The following VPS13B variants were observed in gnomAD, a reference collection of about 807,000 sequenced individuals.
The protein encoded by VPS13B is vacuolar protein sorting 13 homolog B.
VPS13B carries 285 observed loss-of-function variants against 426.4 expected under a neutral mutation model. The observed-to-expected ratio is 0.67, with a 90% CI of 0.61 to 0.74. The LOEUF (loss-of-function observed/expected upper bound fraction) is 0.74. Ranked by LOEUF, VPS13B falls within the 30% of genes least tolerant of loss-of-function variation. The probability of loss-of-function intolerance (pLI) is 0.00; values close to 1 mark genes in which losing one functional copy is unlikely to be tolerated. For missense variants in VPS13B, 4,537 were observed against 4,782.6 expected, an observed-to-expected ratio of 0.95 and a Z score of 1.51; for synonymous variants, 1,676 against 1,676.4, an observed-to-expected ratio of 1.00 and a Z score of 0.01.
intron 28 of VPS13B, chr8:99,507,713 A>G (rs1429046265): frequency 1.1e-5 from 18 of 1,611,998 alleles, no homozygotes; most frequent in Non-Finnish European, 1.5e-5. Context: ...TTTTTTGCTT[A>G]TGGCTTTTAT....
intron 23 of VPS13B, among the ~76,000 whole-genome samples, chr8:99,447,094 G>A (rs1281098022): frequency 1.3e-5 from 2 of 151,986 alleles, no homozygotes; most frequent in African/African-American, 4.8e-5. Flanking sequence ...AATATTCCTT[G>A]TTTATACTTT....
In VPS13B at chr8:99,853,512, G is replaced by T. The variant is rs745567349; in HGVS notation, c.10123G>T (p.Asp3375Tyr). The T allele has an allele frequency of 2.5e-6, 4 of 1,614,198 alleles. No homozygotes were observed. Among genetic ancestry groups the T allele is most frequent in the Non-Finnish European group, 3.4e-6 (4 of 1,180,030 alleles). ...FITQLSLAVF[D>Y]DLTHHKASAE... The stretch of plus-strand genomic sequence containing the variant: ...CACTCAGTTAAGCCTGGCAGTGTTT[G>T]ATGACCTCACCCACCACAAAGCATC... Residue 3375 changes from aspartate to tyrosine, a missense_variant, in exon 56 of 62, where the codon GAT becomes TAT. Around this residue, in one of 2 missense-constraint regions of VPS13B, gnomAD observed 4,311 missense variants for 4,474.3 expected, o/e 0.96. Transcript: ENST00000357162.
intron 39 of VPS13B, among the ~76,000 whole-genome samples, chr8:99,750,836 GT>G (rs1810356938): frequency 1.3e-5 from 2 of 152,138 alleles, no homozygotes; most frequent in African/African-American, 4.8e-5. Flanking sequence ...GGGGAGGGCT[GT>G]TTGTTTTTGT....
intron 3 of VPS13B, among the ~76,000 whole-genome samples, chr8:99,072,922 T>A (rs1844921540): frequency 6.6e-6 from 1 of 152,240 alleles, no homozygotes; most frequent in South Asian, 2.1e-4. Flanking sequence ...CATGGATTTA[T>A]TTCTGGGTTC....
In VPS13B at chr8:99,642,386, T is replaced by C. The variant is rs765209957; in HGVS notation, c.5796T>C (p.Phe1932=). ...GDLQLEPFLY[F]IVSQPSLLLS... ...TACAGCTAGAGCCTTTTCTGTACTT[T>C]ATTGTGTCCCAGCCTTCCTTGCTTC... Residue 1932 remains phenylalanine (F), a synonymous_variant, in exon 34 of 62, where the codon TTT becomes TTC. Transcript: ENST00000357162. 73 of 1,614,006 alleles carry C rather than the reference T, an allele frequency of 4.5e-5. No individual in the cohort carries two copies. In the South Asian group the frequency reaches 6.3e-4, roughly 14 times the overall value.
intron 2 of VPS13B, among the ~76,000 whole-genome samples, 171 bp downstream of exon 2, chr8:99,014,106 C>CTT (rs1841466075): frequency 8.9e-6 from 1 of 112,096 alleles, no homozygotes; most frequent in African/African-American, 3.2e-5. Flanking sequence ...CTTTTTCTTT[C>CTT]TTTCTTTTTT....
At position 99,720,414 on chromosome 8, in the gene VPS13B, G is replaced by T. The variant is rs146960401; in HGVS notation, c.6727G>T (p.Glu2243Ter). 72 of 1,613,838 alleles carry T rather than the reference G, an allele frequency of 4.5e-5. No homozygotes were observed. Among genetic ancestry groups the T allele is most frequent in the Non-Finnish European group, 5.3e-5 (62 of 1,179,918 alleles). ...TGAATTACTCAATGGATACCTTAAT[G>T]AGGAGGGAAATTTTGAAGTACAAGT... ...LHELLNGYLNEEGNFEVQVSE... is the reference protein window; with the variant it reads ...LHELLNGYLN The change falls in exon 38 of 62, where the codon GAG becomes TAG. Residue 2243 changes from glutamate (E) to a stop codon, truncating the protein, a stop_gained. Coordinates refer to ENST00000357162, the MANE Select transcript of VPS13B (RefSeq NM_152564.5). LOFTEE classifies it high-confidence loss of function.
chr8:99,196,794 T>C (rs1813961923), intron 17 of VPS13B, among the ~76,000 whole-genome samples: 1 of 152,196 alleles, frequency 6.6e-6, no homozygotes, highest in African/African-American at 2.4e-5. Flanking sequence ...TTAACTTCTT[T>C]TTTTTCTATT....
At chr8:99,215,823 C>T (rs963381008) in intron 17 of VPS13B, among the ~76,000 whole-genome samples, 12 of 152,106 alleles carry the variant, frequency 7.9e-5, no homozygotes, top group African/African-American at 2.9e-4. Flanking sequence ...ACAGAAGGCT[C>T]CACATAGCAA....
At chr8:99,343,003 T>A (rs1215780221) in intron 19 of VPS13B, among the ~76,000 whole-genome samples, 1 of 152,196 alleles carries the variant, frequency 6.6e-6, no homozygotes, top group Non-Finnish European at 1.5e-5. Context: ...TTAGTGATGC[T>A]GAGCATTTTT....
intron 19 of VPS13B, among the ~76,000 whole-genome samples, chr8:99,352,291 C>A (rs559787078): frequency 3.2e-4 from 48 of 152,282 alleles, no homozygotes; most frequent in Middle Eastern, 6.8e-3. Flanking sequence ...ACTCCTATTA[C>A]TGGTTGCAGG....
At chr8:99,233,139 A>G in intron 17 of VPS13B, 1 of 1,371,114 alleles carries the variant, frequency 7.3e-7, no homozygotes, top group Non-Finnish European at 1.0e-6. Flanking sequence ...TGCGCTGTGC[A>G]GTCTGGCTAG....
chr8:99,793,135 C>T (rs1449198450), intron 43 of VPS13B, among the ~76,000 whole-genome samples: 1 of 150,258 alleles, frequency 6.7e-6, no homozygotes, highest in Non-Finnish European at 1.5e-5. Flanking sequence ...CCCTTTGAGG[C>T]AGAGTTTGCA....
intron 33 of VPS13B, among the ~76,000 whole-genome samples, chr8:99,635,976 C>A (rs1010236239): frequency 2.0e-5 from 3 of 151,980 alleles, no homozygotes; most frequent in African/African-American, 7.2e-5. Flanking sequence ...GGTTAGCTAC[C>A]AGTACGGCTT....
At chr8:99,303,096 C>G (rs1193587318) in intron 19 of VPS13B, among the ~76,000 whole-genome samples, 1 of 151,534 alleles carries the variant, frequency 6.6e-6, no homozygotes, top group South Asian at 2.1e-4. Context: ...CTGGCTAACA[C>G]GGTGAAACCC....
chr8:99,265,759 A>C (rs1331955369), intron 17 of VPS13B, among the ~76,000 whole-genome samples: 1 of 152,020 alleles, frequency 6.6e-6, no homozygotes, highest in Non-Finnish European at 1.5e-5. Flanking sequence ...TAATTCTTAT[A>C]TTTCTGGGGC....
Position 99,784,388 on chromosome 8 carries a change from G to T in VPS13B, c.7853G>T (p.Arg2618Leu). ...VICNDTQETL[R>L]FGQVDTDENI... Reference sequence around the variant, plus strand: ...TGTAATGACACACAGGAGACACTGCGGTTTGGCCAGGTGGATACTGATGAA... The same window carrying T: ...TGTAATGACACACAGGAGACACTGCTGTTTGGCCAGGTGGATACTGATGAA... Residue 2618 changes from arginine (R) to leucine (L), a missense_variant, in exon 43 of 62, where the codon CGG becomes CTG. By Grantham distance (102) the Arg-to-Leu change is moderately radical. Around this residue, in one of 2 missense-constraint regions of VPS13B, gnomAD observed 4,311 missense variants for 4,474.3 expected, o/e 0.96. Transcript: ENST00000357162. The T allele has an allele frequency of 6.2e-7, 1 of 1,613,696 alleles. No homozygotes were observed. The highest frequency in any genetic ancestry group is 8.5e-7 in the Non-Finnish European group (1 of 1,179,688).
intron 19 of VPS13B, among the ~76,000 whole-genome samples, chr8:99,315,391 G>C (rs1395181638): frequency 1.3e-5 from 2 of 150,350 alleles, no homozygotes; most frequent in African/African-American, 4.9e-5. Flanking sequence ...TTCATGTGCT[G>C]GATTTTTTTC....
intron 29 of VPS13B, among the ~76,000 whole-genome samples, chr8:99,515,887 G>A (rs553426278): frequency 2.5e-4 from 38 of 152,072 alleles, no homozygotes; most frequent in Non-Finnish European, 4.7e-4. Flanking sequence ...TTAAGGAGTT[G>A]CTTATCTTTT....
Sources: gnomAD v4.1 joint callset for allele counts (sites outside exome capture counted in the v4.1 genomes callset) on GRCh38, gnomAD v4.1.1 for gene constraint, gnomAD v4.1.1 regional missense constraint, MANE v1.5 for transcripts, NCBI Gene and HGNC (gene_info 2026-07-23, HGNC 2026-07-21) for gene names.